Variants in TMEM184B observed in about 807,000 individuals in gnomAD.
TMEM184B encodes putative MAPK-activating protein FM08.
A neutral mutation model predicts 41.8 loss-of-function variants in TMEM184B; 17 were observed. The observed-to-expected ratio is 0.41, with a 90% CI of 0.28 to 0.61. TMEM184B has a LOEUF of 0.61. TMEM184B is among the 20% of genes least tolerant of loss of function. TMEM184B has a pLI of 0.34. For synonymous variants in TMEM184B, 240 were observed against 229.5 expected, an observed-to-expected ratio of 1.05 and a Z score of -0.41; for missense variants, 393 against 557.8, an observed-to-expected ratio of 0.70 and a Z score of 2.98.
chr22:38,242,210 G>GT (rs2091925804), intron 3 of TMEM184B, among the ~76,000 whole-genome samples: 1 of 151,912 alleles, frequency 6.6e-6, no homozygotes, highest in African/African-American at 2.4e-5. Context: ...GCTCACGCCT[G>GT]TAATCCCAGC....
intron 3 of TMEM184B, among the ~76,000 whole-genome samples, chr22:38,232,541 C>T (rs2091661739): frequency 6.6e-6 from 1 of 152,098 alleles, no homozygotes; most frequent in Admixed American, 6.6e-5. Context: ...AGGGTGAGGA[C>T]ATGGGAATGA....
downstream of TMEM184B, among the ~76,000 whole-genome samples, chr22:38,217,830 C>CAAAAA (rs374397588): frequency 2.3e-5 from 2 of 87,824 alleles, no homozygotes; most frequent in Non-Finnish European, 4.3e-5. Flanking sequence ...GACTCCATCT[C>CAAAAA]AAAAAAAAAA....
At chr22:38,259,675 T>A (rs2092339808) in intron 1 of TMEM184B, among the ~76,000 whole-genome samples, 1 of 152,234 alleles carries the variant, frequency 6.6e-6, no homozygotes, top group Non-Finnish European at 1.5e-5. Flanking sequence ...TCGATTTTAG[T>A]CCAGTGAAAC....
At chr22:38,231,679 T>C (rs746403847) in intron 3 of TMEM184B, 55 of 457,388 alleles carry the variant, frequency 1.2e-4, no homozygotes, top group Non-Finnish European at 1.8e-4. Context: ...GGGCTGGCAG[T>C]GTCGACCCTG....
At chr22:38,241,456 G>A (rs925335711) in intron 3 of TMEM184B, among the ~76,000 whole-genome samples, 22 of 151,366 alleles carry the variant, frequency 1.5e-4, no homozygotes, top group African/African-American at 5.1e-4. Flanking sequence ...GGGAGGTCGA[G>A]GCGCAAGGAT....
At chr22:38,252,454 G>C (rs1268609846) in intron 1 of TMEM184B, among the ~76,000 whole-genome samples, 1 of 152,186 alleles carries the variant, frequency 6.6e-6, no homozygotes, top group African/African-American at 2.4e-5. Flanking sequence ...TTTCTAACAA[G>C]TCCTGAGGCC....
chr22:38,272,686 A>AG, intron 1 of TMEM184B, 198 bp downstream of exon 1: 1 of 985,274 alleles, frequency 1.0e-6, no homozygotes, highest in Admixed American at 6.1e-5. Flanking sequence ...CGCGGGGCGG[A>AG]GAGGAGGCAC....
rs2091242272 is a variant in TMEM184B, at chr22:38,221,047, G to A, written c.*422C>T. On this transcript the variant is annotated 3_prime_UTR_variant, in exon 9 of 9. Coordinates refer to ENST00000361906, the MANE Select transcript of TMEM184B (RefSeq NM_012264.5). ...AGGCGGGAAGAGCCCAGGTCAGACAGGGTATTGCACGGTGTGTGGGGGAGC... is the reference window on the plus strand; with the variant it reads ...AGGCGGGAAGAGCCCAGGTCAGACAAGGTATTGCACGGTGTGTGGGGGAGC... 1 of 1,019,292 alleles carries A rather than the reference G, an allele frequency of 9.8e-7. No individual in the cohort carries two copies. Among genetic ancestry groups the A allele is most frequent in the African/African-American group, 1.7e-5 (1 of 58,146 alleles). The allele number at this position is 1,019,292 out of a possible 1,614,324, so 63.1% of individuals were successfully genotyped here.
intron 1 of TMEM184B, among the ~76,000 whole-genome samples, chr22:38,260,316 A>G (rs1432395303): frequency 6.6e-6 from 1 of 152,140 alleles, no homozygotes; most frequent in African/African-American, 2.4e-5. Flanking sequence ...TCAGCCTCCC[A>G]AAGTGCTGGG....
At chr22:38,224,658 A>AT in intron 8 of TMEM184B, 127 bp downstream of exon 8, 1 of 939,226 alleles carries the variant, frequency 1.1e-6, no homozygotes, top group Non-Finnish European at 1.5e-6. Flanking sequence ...CCATTCCTGC[A>AT]TATAGAGTGG....
At chr22:38,250,937 A>G (rs2092148371) in intron 1 of TMEM184B, among the ~76,000 whole-genome samples, 1 of 152,192 alleles carries the variant, frequency 6.6e-6, no homozygotes. Context: ...AAATGCACCC[A>G]GAGATGTGAG....
At chr22:38,259,582 G>A (rs1047814032) in intron 1 of TMEM184B, among the ~76,000 whole-genome samples, 2 of 152,118 alleles carry the variant, frequency 1.3e-5, no homozygotes, top group African/African-American at 4.8e-5. Context: ...AGCCACAGAT[G>A]GAGGTGGTCT....
chr22:38,242,285 C>T (rs1380019217), intron 3 of TMEM184B, among the ~76,000 whole-genome samples: 6 of 148,316 alleles, frequency 4.0e-5, no homozygotes, highest in East Asian at 4.0e-4. Context: ...CTAGGCAACA[C>T]GGTGAAACCC....
rs948433293 is a variant in TMEM184B at position 38,272,529 on chromosome 22, C to A, written c.-59+355G>T. 7.5e-5 allele frequency: 74 copies of A among 985,712 alleles called. No homozygotes were observed. In the African/African-American group the frequency reaches 1.3e-3, roughly 17 times the overall value. The allele number at this position is 985,712 out of a possible 1,614,324, so 61.1% of individuals were successfully genotyped here. On this transcript the variant is annotated intron_variant, in intron 1 of 8. Transcript: ENST00000361906. ...CGTGCCAGTCGCCAGCACACCCACC[C>A]GGGAGCACACAATCCCTCTTGCAAA... is the stretch of plus-strand genomic sequence containing the variant.
In TMEM184B at chr22:38,220,888, G is replaced by A; in HGVS notation, c.*581C>T. On this transcript the variant is annotated 3_prime_UTR_variant, in exon 9 of 9. Coordinates refer to ENST00000361906, the MANE Select transcript of TMEM184B (RefSeq NM_012264.5). ...CTGGGTGGGGCCTGTGACTCCTGGT[G>A]TCTGGCTCTGATCCTTGCAGCATGC... 1.0e-6 allele frequency: 1 copy of A among 986,262 alleles called. No individual in the cohort carries two copies. The highest frequency in any genetic ancestry group is 4.7e-5 in the South Asian group (1 of 21,302). The allele number at this position is 986,262 out of a possible 1,614,324, so 61.1% of individuals were successfully genotyped here. A position where few individuals can be genotyped will look rare whatever the true frequency, so the allele number is the denominator to read the frequency against.
intron 1 of TMEM184B, among the ~76,000 whole-genome samples, chr22:38,250,731 C>T (rs999415145): frequency 3.3e-5 from 5 of 151,826 alleles, no homozygotes; most frequent in African/African-American, 9.7e-5. Flanking sequence ...TGACTAAGGG[C>T]GGTGTTGAGA....
In TMEM184B at chr22:38,220,956, C is replaced by T. The variant is rs1267677177; in HGVS notation, c.*513G>A. On this transcript the variant is annotated 3_prime_UTR_variant, in exon 9 of 9. Coordinates refer to ENST00000361906, the MANE Select transcript of TMEM184B (RefSeq NM_012264.5). Reference sequence around the variant, plus strand: ...GGAGGGGAGGACCACAGAGCGCCCACATCCCCACTCCTGCCCGGGGTGAGG... The same window carrying T: ...GGAGGGGAGGACCACAGAGCGCCCATATCCCCACTCCTGCCCGGGGTGAGG... The T allele has an allele frequency of 1.0e-6, 1 of 989,142 alleles. No homozygotes were observed. The highest frequency in any genetic ancestry group is 1.2e-6 in the Non-Finnish European group (1 of 832,322). 61.3% of individuals were successfully genotyped at this position (989,142 alleles called of 1,614,324 possible).
At chr22:38,250,332 T>C (rs533041448) in intron 1 of TMEM184B, among the ~76,000 whole-genome samples, 1 of 152,384 alleles carries the variant, frequency 6.6e-6, no homozygotes, top group African/African-American at 2.4e-5. Flanking sequence ...GAGAGCCCTG[T>C]ACATTTCTAT....
Position 38,226,696 on chromosome 22 carries a change from T to A in TMEM184B, c.617+83A>T. 1 of 1,403,964 alleles carries A rather than the reference T, an allele frequency of 7.1e-7. No individual in the cohort carries two copies. Among genetic ancestry groups the A allele is most frequent in the Non-Finnish European group, 9.8e-7 (1 of 1,020,830 alleles). The allele number at this position is 1,403,964 out of a possible 1,614,324, so 87.0% of individuals were successfully genotyped here. A position where few individuals can be genotyped will look rare whatever the true frequency, so the allele number is the denominator to read the frequency against. ...AGGAAGGTCATGGCTGTGCGGCCAC[T>A]CTGGCTGCCCCCTTCCCTGAGCCAA... On this transcript the variant is annotated intron_variant, in intron 6 of 8. Transcript: ENST00000361906. The surrounding 1 kb of genome is among the most constrained non-coding windows in gnomAD (Gnocchi z 4.6).
Sources: allele counts gnomAD v4.1 joint callset (sites outside exome capture counted in the v4.1 genomes callset), GRCh38; gene constraint gnomAD v4.1.1; non-coding constraint Gnocchi (gnomAD v3.1); transcripts MANE v1.5; gene names NCBI Gene and HGNC (gene_info 2026-07-23, HGNC 2026-07-21).